The following TTC28 variants were observed in gnomAD, a reference collection of about 807,000 sequenced individuals.
The protein encoded by TTC28 is tetratricopeptide repeat domain 28.
A neutral mutation model predicts 198.0 loss-of-function variants in TTC28; 61 were observed. The observed-to-expected ratio is 0.31, with a 90% CI of 0.25 to 0.38. The LOEUF (loss-of-function observed/expected upper bound fraction) is 0.38. Ranked by LOEUF, TTC28 falls within the 10% of genes least tolerant of loss-of-function variation. The probability of loss-of-function intolerance (pLI) is 1.00; values close to 1 mark genes in which losing one functional copy is unlikely to be tolerated. For missense variants in TTC28, 2,678 were observed against 3,164.0 expected (o/e 0.85, Z 3.69); for synonymous variants, 1,171 against 1,297.8 (o/e 0.90, Z 2.10).
intron 12 of TTC28, among the ~76,000 whole-genome samples, chr22:28,062,342 T>C (rs905300872): frequency 6.6e-6 from 1 of 151,920 alleles, no homozygotes; most frequent in African/African-American, 2.4e-5. Flanking sequence ...ACTACAGGCA[T>C]GAGCTGCTGC....
At chr22:28,627,630 C>T (rs1454362577) in intron 2 of TTC28, among the ~76,000 whole-genome samples, 2 of 152,002 alleles carry the variant, frequency 1.3e-5, no homozygotes, top group African/African-American at 2.4e-5. Context: ...CGGGGTTTCA[C>T]CACGTTGGCC....
At chr22:28,563,725 G>GA (rs1170414982) in intron 2 of TTC28, among the ~76,000 whole-genome samples, 2 of 152,100 alleles carry the variant, frequency 1.3e-5, no homozygotes, top group Non-Finnish European at 2.9e-5. Context: ...AACTGCTGTA[G>GA]AAAAAAGTCT....
chr22:28,283,370 T>C (rs1351039522), intron 5 of TTC28, among the ~76,000 whole-genome samples: 7 of 152,008 alleles, frequency 4.6e-5, no homozygotes, highest in Non-Finnish European at 1.0e-4. Flanking sequence ...TGCATGGATT[T>C]CACGTTAGCA....
At chr22:28,350,093 C>CAGGT (rs751886863) in intron 2 of TTC28, among the ~76,000 whole-genome samples, 20 of 152,312 alleles carry the variant, frequency 1.3e-4, no homozygotes, top group Non-Finnish European at 2.4e-4. Context: ...TGGAGAGAAA[C>CAGGT]AGGTCCATTA....
chr22:28,219,872 T>C (rs999214454), intron 5 of TTC28, among the ~76,000 whole-genome samples: 1 of 152,250 alleles, frequency 6.6e-6, no homozygotes, highest in African/African-American at 2.4e-5. Context: ...ACATTCATCC[T>C]GAACCATTTA....
intron 2 of TTC28, among the ~76,000 whole-genome samples, chr22:28,583,135 G>A (rs1218354322): frequency 1.3e-5 from 2 of 151,948 alleles, no homozygotes; most frequent in Non-Finnish European, 2.9e-5. Context: ...CCCCCGCAAT[G>A]CAACCACCTC....
intron 2 of TTC28, among the ~76,000 whole-genome samples, chr22:28,367,164 C>T (rs1166589089): frequency 6.6e-6 from 1 of 151,922 alleles, no homozygotes; most frequent in Admixed American, 6.6e-5. Flanking sequence ...ATAGGTCATT[C>T]TCAGGGATAG....
chr22:28,518,043 A>C (rs918263390), intron 2 of TTC28, among the ~76,000 whole-genome samples: 1 of 152,052 alleles, frequency 6.6e-6, no homozygotes, highest in African/African-American at 2.4e-5. Flanking sequence ...ACAGGTGTGC[A>C]TCTTTTTTCT....
intron 1 of TTC28, among the ~76,000 whole-genome samples, chr22:28,643,626 TGTC>T (rs951876264): frequency 6.6e-6 from 1 of 152,240 alleles, no homozygotes; most frequent in Non-Finnish European, 1.5e-5. Context: ...GAAAAAATTA[TGTC>T]TTAAGATTTG....
intron 5 of TTC28, among the ~76,000 whole-genome samples, chr22:28,229,517 T>C (rs763546558): frequency 1.3e-5 from 2 of 152,240 alleles, no homozygotes; most frequent in African/African-American, 2.4e-5. Context: ...CTTGTTCAAG[T>C]ACTCCAGATT....
intron 2 of TTC28, among the ~76,000 whole-genome samples, chr22:28,355,150 G>C (rs1051653897): frequency 1.3e-5 from 2 of 151,938 alleles, no homozygotes; most frequent in Non-Finnish European, 2.9e-5. Context: ...CAAACACTAT[G>C]CTATGTATTA....
chr22:28,218,291 C>G (rs1927563421), intron 5 of TTC28, among the ~76,000 whole-genome samples: 2 of 152,060 alleles, frequency 1.3e-5, no homozygotes, highest in Non-Finnish European at 1.5e-5. Flanking sequence ...ACAGATCTTC[C>G]AAATGTTGAC....
At chr22:28,517,605 A>C (rs2048815760) in intron 2 of TTC28, among the ~76,000 whole-genome samples, 1 of 152,236 alleles carries the variant, frequency 6.6e-6, no homozygotes, top group Non-Finnish European at 1.5e-5. Flanking sequence ...TATACAAGCC[A>C]ATGGCAAGGC....
At chr22:28,676,646 C>G (rs1449568385) in intron 1 of TTC28, among the ~76,000 whole-genome samples, 1 of 151,810 alleles carries the variant, frequency 6.6e-6, no homozygotes, top group African/African-American at 2.4e-5. Context: ...AGCGCAATCT[C>G]AAGTCCAAAA....
intron 6 of TTC28, among the ~76,000 whole-genome samples, chr22:28,148,488 C>T (rs2147008270): frequency 6.6e-6 from 1 of 152,080 alleles, no homozygotes; most frequent in East Asian, 1.9e-4. Flanking sequence ...TGGCGGGCAC[C>T]TGTAGTCCCA....
At chr22:28,036,774 A>G (rs1482265516) in intron 12 of TTC28, among the ~76,000 whole-genome samples, 1 of 152,204 alleles carries the variant, frequency 6.6e-6, no homozygotes, top group Non-Finnish European at 1.5e-5. Flanking sequence ...ACCGCTAGCA[A>G]GACTAATAAA....
chr22:28,273,093 T>C (rs1932194819), intron 5 of TTC28, among the ~76,000 whole-genome samples: 1 of 152,148 alleles, frequency 6.6e-6, no homozygotes, highest in African/African-American at 2.4e-5. Context: ...AACCAGAAAT[T>C]GGTTTAAATG....
intron 5 of TTC28, among the ~76,000 whole-genome samples, chr22:28,270,990 C>T (rs924961413): frequency 1.3e-5 from 2 of 152,180 alleles, no homozygotes; most frequent in African/African-American, 4.8e-5. Context: ...TCTGAATTTA[C>T]AAATACGTTT....
intron 2 of TTC28, among the ~76,000 whole-genome samples, chr22:28,486,370 TAG>T (rs1277791931): frequency 1.3e-5 from 2 of 152,164 alleles, no homozygotes; most frequent in African/African-American, 4.8e-5. Flanking sequence ...GAAATGAGAC[TAG>T]CTGCACACTG....
Sources: gnomAD v4.1 joint callset for allele counts (sites outside exome capture counted in the v4.1 genomes callset) on GRCh38, gnomAD v4.1.1 for gene constraint, MANE v1.5 for transcripts, NCBI Gene and HGNC (gene_info 2026-07-23, HGNC 2026-07-21) for gene names.